The following XKR6 variants were observed in gnomAD, a reference collection of about 807,000 sequenced individuals.
XKR6 encodes the protein XK related 6, also known as XK-related protein 6.
XKR6 carries 22 observed loss-of-function variants against 56.7 expected under a neutral mutation model. The ratio of observed to expected loss-of-function variants is 0.39; its 90% CI spans 0.28 to 0.55. The LOEUF (loss-of-function observed/expected upper bound fraction) is 0.55. Ranked by LOEUF, XKR6 falls within the 20% of genes least tolerant of loss-of-function variation. XKR6 has a pLI of 0.66. For missense variants in XKR6, 852 were observed against 889.0 expected, an observed-to-expected ratio of 0.96 and a Z score of 0.53; for synonymous variants, 524 against 387.8, an observed-to-expected ratio of 1.35 and a Z score of -4.13.
intron 1 of XKR6, among the ~76,000 whole-genome samples, chr8:11,011,067 G>C (rs1388676232): frequency 2.6e-5 from 4 of 152,230 alleles, no homozygotes; most frequent in Non-Finnish European, 5.9e-5. Context: ...AGATGAGAAA[G>C]CTGAGGCTTG....
intron 1 of XKR6, among the ~76,000 whole-genome samples, chr8:11,030,365 C>T (rs1798964665): frequency 6.6e-6 from 1 of 152,230 alleles, no homozygotes; most frequent in African/African-American, 2.4e-5. Context: ...TGTTTCTCTG[C>T]AGATGCCATC....
chr8:11,155,506 A>C (rs746536187), intron 1 of XKR6, among the ~76,000 whole-genome samples: 69 of 152,354 alleles, frequency 4.5e-4, no homozygotes, highest in Non-Finnish European at 8.4e-4. Flanking sequence ...CCTTAATGGA[A>C]TTCAAGATCC....
intron 1 of XKR6, among the ~76,000 whole-genome samples, chr8:10,953,016 G>T (rs1475128228): frequency 6.6e-6 from 1 of 152,188 alleles, no homozygotes; most frequent in Non-Finnish European, 1.5e-5. Flanking sequence ...ATGATGATCT[G>T]TCACTGTCTC....
intron 1 of XKR6, among the ~76,000 whole-genome samples, chr8:11,130,698 A>G (rs1800062655): frequency 6.6e-6 from 1 of 152,002 alleles, no homozygotes. Context: ...AGACAAAGGT[A>G]CAGATTGTGT....
At chr8:11,010,637 T>A (rs540963457) in intron 1 of XKR6, among the ~76,000 whole-genome samples, 13 of 152,240 alleles carry the variant, frequency 8.5e-5, no homozygotes, top group Non-Finnish European at 1.9e-4. Context: ...CCAGTCAATA[T>A]TCAACATTTC....
rs549570814 is a variant in XKR6, at chr8:10,951,448, G to A, written c.765-26618C>T. On this transcript the variant is annotated intron_variant, in intron 1 of 2. Transcript: ENST00000416569. ...GCGAGAAGGCTGGGAAGGTGTGAGT[G>A]AAGACAGAATCACCGGCGGCTGCAT... Among the ~76,000 whole-genome samples, 80 of 152,330 alleles carry A rather than the reference G, an allele frequency of 5.3e-4. 2 individuals carry two copies. The highest frequency in any genetic ancestry group is 1.9e-3 in the African/African-American group (78 of 41,568).
At chr8:10,969,161 C>A (rs1272210113) in intron 1 of XKR6, among the ~76,000 whole-genome samples, 1 of 152,120 alleles carries the variant, frequency 6.6e-6, no homozygotes, top group Non-Finnish European at 1.5e-5. Flanking sequence ...AGCCTGAGAA[C>A]CGGTATTTTT....
rs150302241 is a variant in XKR6 at position 11,037,073 on chromosome 8, A to G, written c.765-112243T>C. On this transcript the variant is annotated intron_variant, in intron 1 of 2. Coordinates refer to ENST00000416569, the MANE Select transcript of XKR6 (RefSeq NM_173683.4). ...CTTATACTTATGACGAGGCGTGGAT[A>G]TCATTTAGTGATGCTACGTGACACA... Among the ~76,000 whole-genome samples, 447 of 152,344 alleles carry G rather than the reference A, an allele frequency of 2.9e-3. 4 individuals carry two copies. Among genetic ancestry groups the G allele is most frequent in the African/African-American group, 0.01 (432 of 41,586 alleles).
chr8:11,124,228 T>G (rs1464765852), intron 1 of XKR6: 1 of 348,302 alleles, frequency 2.9e-6, no homozygotes, highest in South Asian at 2.2e-5. Context: ...ATCAAGCATA[T>G]TCATCTTACC....
chr8:11,152,528 T>C (rs1368600921), intron 1 of XKR6, among the ~76,000 whole-genome samples: 3 of 152,190 alleles, frequency 2.0e-5, no homozygotes. Context: ...ATAAGCATAA[T>C]CTGTTCCTAT....
At chr8:11,169,172 G>C (rs1027813446) in intron 1 of XKR6, among the ~76,000 whole-genome samples, 1 of 151,876 alleles carries the variant, frequency 6.6e-6, no homozygotes, top group Non-Finnish European at 1.5e-5. Context: ...CTCATAGTTG[G>C]CAACCCTCTT....
rs1379661653 is a variant in XKR6, at chr8:11,166,762, G to A, written c.764+33814C>T. Among the ~76,000 whole-genome samples, 3 of 152,036 alleles carry A rather than the reference G, an allele frequency of 2.0e-5. No individual in the cohort carries two copies. The East Asian group carries it at 5.8e-4, about 29-fold the overall frequency. On this transcript the variant is annotated intron_variant, in intron 1 of 2. Coordinates refer to ENST00000416569, the MANE Select transcript of XKR6 (RefSeq NM_173683.4). ...TAATTTTTGTGTTTTTAGCAGAGAC[G>A]GGGTTTCACCATGTTGGCCAGGCTG...
intron 1 of XKR6, among the ~76,000 whole-genome samples, chr8:11,006,413 G>A (rs538868757): frequency 4.6e-5 from 7 of 152,208 alleles, no homozygotes; most frequent in East Asian, 3.9e-4. Flanking sequence ...ATCCCTTATC[G>A]TATGTTGCAT....
intron 1 of XKR6, among the ~76,000 whole-genome samples, chr8:10,959,508 T>C (rs894621981): frequency 3.9e-5 from 6 of 152,210 alleles, no homozygotes; most frequent in Non-Finnish European, 8.8e-5. Context: ...ATTTGGTTCC[T>C]GGTGAGGGCT....
intron 1 of XKR6, among the ~76,000 whole-genome samples, chr8:10,931,027 A>G (rs1470194530): frequency 6.6e-6 from 1 of 152,224 alleles, no homozygotes; most frequent in Non-Finnish European, 1.5e-5. Context: ...GTCTAGATTG[A>G]AAATCCTAAG....
In XKR6 at chr8:11,105,674, G is replaced by C. The variant is rs552157618; in HGVS notation, c.764+94902C>G. On this transcript the variant is annotated intron_variant, in intron 1 of 2. Coordinates refer to ENST00000416569, the MANE Select transcript of XKR6 (RefSeq NM_173683.4). ...GGATTTTTTAAACAAAATTTACTTA[G>C]TAAAATTCCTTCACAGTACAAAGCT... The C allele has an allele frequency of 1.4e-3, 209 of 152,174 alleles. 1 individual carries two copies. The highest frequency in any genetic ancestry group is 4.9e-3 in the African/African-American group (204 of 41,524). 9.4% of individuals were successfully genotyped at this position (152,174 alleles called of 1,614,324 possible).
chr8:10,953,037 A>C (rs1252804300), intron 1 of XKR6, among the ~76,000 whole-genome samples: 4 of 152,170 alleles, frequency 2.6e-5, no homozygotes, highest in Non-Finnish European at 5.9e-5. Context: ...CATCACCTCC[A>C]GATGGGACCA....
chr8:11,186,563 A>G (rs1462544625), intron 1 of XKR6, among the ~76,000 whole-genome samples: 1 of 152,134 alleles, frequency 6.6e-6, no homozygotes, highest in Non-Finnish European at 1.5e-5. Flanking sequence ...TAATTTTTGT[A>G]GAGACAGGGT....
intron 1 of XKR6, among the ~76,000 whole-genome samples, chr8:10,987,794 A>C (rs534381504): frequency 1.3e-5 from 2 of 152,268 alleles, no homozygotes; most frequent in African/African-American, 4.8e-5. Flanking sequence ...CACTTCTGTC[A>C]TCTCTAGTCT....
Sources: gnomAD v4.1 joint callset for allele counts (sites outside exome capture counted in the v4.1 genomes callset) on GRCh38, gnomAD v4.1.1 for gene constraint, MANE v1.5 for transcripts, NCBI Gene and HGNC (gene_info 2026-07-23, HGNC 2026-07-21) for gene names.